The following GALNT17 variants were observed in gnomAD, a reference collection of about 807,000 sequenced individuals.
GALNT17 encodes the protein polypeptide N-acetylgalactosaminyltransferase 17, also known as UDP-GalNAc:polypeptide N-acetylgalactosaminyltransferase-like 3.
Under a neutral mutation model 63.7 loss-of-function variants are expected in GALNT17, and 29 were observed. The ratio of observed to expected loss-of-function variants is 0.46; its 90% CI spans 0.34 to 0.62. GALNT17 has a LOEUF of 0.62. GALNT17 is among the 20% of genes least tolerant of loss of function. GALNT17 has a pLI of 0.01. For missense variants in GALNT17, 603 were observed against 799.6 expected (o/e 0.75, Z 2.97); for synonymous variants, 305 against 318.3 (o/e 0.96, Z 0.45).
chr7:71,264,004 G>A (rs1314718804), intron 1 of GALNT17, among the ~76,000 whole-genome samples: 1 of 152,168 alleles, frequency 6.6e-6, no homozygotes, highest in African/African-American at 2.4e-5. Flanking sequence ...GCGTTTTCTG[G>A]CATCTTCCTA....
intron 3 of GALNT17, among the ~76,000 whole-genome samples, chr7:71,414,981 C>T (rs1039179987): frequency 1.4e-5 from 2 of 143,346 alleles, no homozygotes; most frequent in African/African-American, 2.8e-5. Context: ...CACAAAGTAT[C>T]ACTTTTTTTT....
chr7:71,546,668 A>T (rs1788990929), intron 5 of GALNT17, among the ~76,000 whole-genome samples: 1 of 152,144 alleles, frequency 6.6e-6, no homozygotes, highest in African/African-American at 2.4e-5. Context: ...AAAAGCAGAT[A>T]CTCTTACTCA....
At chr7:71,548,026 A>G (rs1281939040) in intron 5 of GALNT17, among the ~76,000 whole-genome samples, 3 of 152,032 alleles carry the variant, frequency 2.0e-5, no homozygotes, top group Non-Finnish European at 4.4e-5. Flanking sequence ...TCAGGAGTTC[A>G]AAACCAGCCT....
intron 5 of GALNT17, among the ~76,000 whole-genome samples, chr7:71,427,331 C>A (rs1786778228): frequency 6.6e-6 from 1 of 151,904 alleles, no homozygotes; most frequent in Non-Finnish European, 1.5e-5. Context: ...CTCCTGACCT[C>A]GTGATCTGCC....
At chr7:71,380,301 AAG>A (rs1326541910) in intron 2 of GALNT17, among the ~76,000 whole-genome samples, 6 of 152,114 alleles carry the variant, frequency 3.9e-5, no homozygotes, top group African/African-American at 1.4e-4. Flanking sequence ...GCTGTGGAAA[AAG>A]AGACTATTTA....
At chr7:71,512,902 C>T (rs1428435538) in intron 5 of GALNT17, among the ~76,000 whole-genome samples, 1 of 152,212 alleles carries the variant, frequency 6.6e-6, no homozygotes, top group Non-Finnish European at 1.5e-5. Flanking sequence ...GCCAAGATTC[C>T]TTTAGCTCCA....
chr7:71,201,256 T>TATATATAA (rs1562909684), intron 1 of GALNT17, among the ~76,000 whole-genome samples: 2 of 149,570 alleles, frequency 1.3e-5, no homozygotes, highest in African/African-American at 5.0e-5. Context: ...TATATATATA[T>TATATATAA]AATTTGTGTG....
chr7:71,436,445 C>G (rs1248628647), intron 5 of GALNT17, among the ~76,000 whole-genome samples: 1 of 152,094 alleles, frequency 6.6e-6, no homozygotes, highest in Non-Finnish European at 1.5e-5. Flanking sequence ...GTTGGCTGGG[C>G]ACGGTGACTC....
intron 5 of GALNT17, among the ~76,000 whole-genome samples, chr7:71,552,078 T>A (rs966685152): frequency 2.0e-5 from 3 of 151,892 alleles, no homozygotes; most frequent in Non-Finnish European, 4.4e-5. Flanking sequence ...AGGGTGTTGG[T>A]TTGTCACCCA....
At chr7:71,420,152 G>A (rs1786635626) in intron 4 of GALNT17, among the ~76,000 whole-genome samples, 1 of 152,246 alleles carries the variant, frequency 6.6e-6, no homozygotes. Context: ...GGAGACACAC[G>A]ATGGTGGAGG....
At chr7:71,496,902 T>G (rs1345511381) in intron 5 of GALNT17, among the ~76,000 whole-genome samples, 1 of 149,762 alleles carries the variant, frequency 6.7e-6, no homozygotes, top group Non-Finnish European at 1.5e-5. Context: ...AGCGAGACCA[T>G]GTCTATACAA....
At chr7:71,251,419 C>T (rs985225883) in intron 1 of GALNT17, among the ~76,000 whole-genome samples, 1 of 152,112 alleles carries the variant, frequency 6.6e-6, no homozygotes, top group Admixed American at 6.6e-5. Flanking sequence ...TACCTTTCTC[C>T]TTTTCTTTTG....
intron 1 of GALNT17, among the ~76,000 whole-genome samples, chr7:71,184,212 C>T (rs148151891): frequency 6.2e-4 from 95 of 152,206 alleles, no homozygotes; most frequent in Admixed American, 1.8e-3. Context: ...ACCTTCATCT[C>T]GGACTTCCAG....
chr7:71,360,695 G>C (rs567642856), intron 2 of GALNT17, among the ~76,000 whole-genome samples: 36 of 152,170 alleles, frequency 2.4e-4, no homozygotes, highest in Non-Finnish European at 4.9e-4. Flanking sequence ...TACTTTGGGA[G>C]GCCAAGATGG....
At chr7:71,401,903 A>G (rs1301124799) in intron 3 of GALNT17, among the ~76,000 whole-genome samples, 1 of 152,248 alleles carries the variant, frequency 6.6e-6, no homozygotes, top group Non-Finnish European at 1.5e-5. Flanking sequence ...CTCTTGAATC[A>G]TCCTGAAACC....
At chr7:71,631,870 AGAGAT>A (rs1256933140) in intron 6 of GALNT17, among the ~76,000 whole-genome samples, 1 of 151,990 alleles carries the variant, frequency 6.6e-6, no homozygotes, top group Non-Finnish European at 1.5e-5. Flanking sequence ...TGTTTTCAGA[AGAGAT>A]TAGCATTTGA....
rs113036051 is a variant in GALNT17 at position 71,612,766 on chromosome 7, A to C, written c.1080+41364A>C. 5.9e-3 allele frequency among the ~76,000 whole-genome samples: 897 copies of C among 152,276 alleles called. 7 individuals are homozygous for C. The highest frequency in any genetic ancestry group is 0.02 in the African/African-American group (831 of 41,560). ...AACACTAGAAATTTCCTTTGTGATT[A>C]TTTTGTTCCCTTTCATCCAAGCTCC... On this transcript the variant is annotated intron_variant, in intron 6 of 10. Coordinates refer to ENST00000333538, the MANE Select transcript of GALNT17 (RefSeq NM_022479.3).
At chr7:71,672,329 G>C (rs898064124) in intron 8 of GALNT17, among the ~76,000 whole-genome samples, 1 of 152,082 alleles carries the variant, frequency 6.6e-6, no homozygotes, top group Non-Finnish European at 1.5e-5. Context: ...AATAATAAAA[G>C]AACCATGAGG....
At chr7:71,647,902 C>G (rs758988225) in intron 6 of GALNT17, among the ~76,000 whole-genome samples, 2 of 152,222 alleles carry the variant, frequency 1.3e-5, no homozygotes, top group African/African-American at 2.4e-5. Context: ...GGGCAGGAAG[C>G]GGCCTGGCCC....
Sources: gnomAD v4.1 joint callset for allele counts (sites outside exome capture counted in the v4.1 genomes callset) on GRCh38, gnomAD v4.1.1 for gene constraint, MANE v1.5 for transcripts, NCBI Gene and HGNC (gene_info 2026-07-23, HGNC 2026-07-21) for gene names.